Variants in SAMD5 observed in about 807,000 individuals in gnomAD.
SAMD5 encodes the protein sterile alpha motif domain-containing protein 5.
A neutral mutation model predicts 11.3 loss-of-function variants in SAMD5; 13 were observed. The ratio of observed to expected loss-of-function variants is 1.15; its 90% CI spans 0.75 to 1.83. SAMD5 has a LOEUF of 1.83. Among genes scored for constraint, SAMD5 ranks in the 40% most tolerant of loss-of-function variants. SAMD5 has a pLI of 0.00. For synonymous variants in SAMD5, 129 were observed against 111.3 expected, an observed-to-expected ratio of 1.16 and a Z score of -1.00; for missense variants, 255 against 239.1, an observed-to-expected ratio of 1.07 and a Z score of -0.44.
the SAMD5 span, among the ~76,000 whole-genome samples, chr6:147,925,612 A>G: frequency 6.6e-6 from 1 of 151,584 alleles, no homozygotes; most frequent in Non-Finnish European, 1.5e-5. Flanking sequence ...GGGACAGTCA[A>G]TGTTTGAAAG....
the SAMD5 span, among the ~76,000 whole-genome samples, chr6:147,785,062 C>G: frequency 6.6e-6 from 1 of 152,098 alleles, no homozygotes; most frequent in African/African-American, 2.4e-5. Flanking sequence ...CTTGCTGTAT[C>G]CATATGCTCT....
At chr6:147,936,168 C>G in the SAMD5 span, among the ~76,000 whole-genome samples, 1 of 152,040 alleles carries the variant, frequency 6.6e-6, no homozygotes, top group Non-Finnish European at 1.5e-5. Context: ...TTTCAAAGGC[C>G]CTTAGGATGT....
chr6:147,533,462 CAAAAAAAAAAA>C (rs57455955), intron 1 of SAMD5, among the ~76,000 whole-genome samples: 2 of 89,508 alleles, frequency 2.2e-5, no homozygotes, highest in South Asian at 3.6e-4. Context: ...AATTCCATCT[CAAAAAAAAAAA>C]AAAAAAAGAA....
chr6:147,679,640 A>G (rs1176105916), intron 1 of SAMD5, among the ~76,000 whole-genome samples: 1 of 152,030 alleles, frequency 6.6e-6, no homozygotes, highest in Admixed American at 6.6e-5. Context: ...TTCTACGAGC[A>G]GAGTTTTTAA....
intron 1 of SAMD5, among the ~76,000 whole-genome samples, chr6:147,524,370 G>A (rs569492394): frequency 2.0e-4 from 31 of 151,786 alleles, no homozygotes; most frequent in Middle Eastern, 6.9e-3. Flanking sequence ...CAGTGGTTTG[G>A]GGGGAAAGGG....
chr6:147,822,642 A>G, the SAMD5 span, among the ~76,000 whole-genome samples: 1 of 152,122 alleles, frequency 6.6e-6, no homozygotes, highest in East Asian at 1.9e-4. Context: ...TGGTTATAAG[A>G]AGTCATTTGG....
At chr6:147,845,076 G>T in the SAMD5 span, among the ~76,000 whole-genome samples, 5 of 152,028 alleles carry the variant, frequency 3.3e-5, no homozygotes, top group African/African-American at 9.7e-5. Flanking sequence ...TTGTATACAC[G>T]TATCAAGACA....
the SAMD5 span, among the ~76,000 whole-genome samples, chr6:147,832,963 T>A: frequency 2.0e-5 from 3 of 152,244 alleles, 1 homozygote; most frequent in African/African-American, 7.2e-5. Context: ...GAATTTCCTT[T>A]ATGAAAATAA....
At chr6:147,733,204 A>G (rs532388201) in intron 1 of SAMD5, among the ~76,000 whole-genome samples, 75 of 152,362 alleles carry the variant, frequency 4.9e-4, no homozygotes, top group African/African-American at 1.8e-3. Context: ...AGGTCATAAC[A>G]AAAGCATTAA....
intron 1 of SAMD5, among the ~76,000 whole-genome samples, chr6:147,728,061 A>G (rs1394375434): frequency 6.6e-6 from 1 of 152,220 alleles, no homozygotes; most frequent in Non-Finnish European, 1.5e-5. Context: ...AAATTTTAGT[A>G]TCACTGTTTT....
the SAMD5 span, among the ~76,000 whole-genome samples, chr6:147,886,388 A>G: frequency 2.6e-5 from 4 of 152,154 alleles, no homozygotes; most frequent in Non-Finnish European, 4.4e-5. Context: ...AAATGAAACC[A>G]AAGTTTTTGA....
chr6:147,629,951 T>TC (rs985350852), intron 1 of SAMD5, among the ~76,000 whole-genome samples: 7 of 113,048 alleles, frequency 6.2e-5, no homozygotes, highest in Non-Finnish European at 1.0e-4. Flanking sequence ...TTCTTTTCTT[T>TC]TTTTTTTTTT....
At chr6:147,890,505 C>T in the SAMD5 span, among the ~76,000 whole-genome samples, 1 of 151,880 alleles carries the variant, frequency 6.6e-6, no homozygotes, top group African/African-American at 2.4e-5. Context: ...ACTACAGGCA[C>T]ACACCACCAC....
At chr6:147,813,800 T>C in the SAMD5 span, among the ~76,000 whole-genome samples, 1 of 152,364 alleles carries the variant, frequency 6.6e-6, no homozygotes, top group South Asian at 2.1e-4. Flanking sequence ...CTCTTTGGAC[T>C]GAGTACCTGT....
intron 1 of SAMD5, among the ~76,000 whole-genome samples, chr6:147,702,449 T>C (rs747343343): frequency 4.7e-4 from 72 of 152,178 alleles, no homozygotes; most frequent in Admixed American, 4.6e-3. Context: ...AGGGGTGACA[T>C]ATGTTTGAAC....
At chr6:147,683,317 G>C (rs570392758) in intron 1 of SAMD5, among the ~76,000 whole-genome samples, 1 of 152,290 alleles carries the variant, frequency 6.6e-6, no homozygotes, top group South Asian at 2.1e-4. Flanking sequence ...TATTTCCTAA[G>C]AGTGATTTTT....
rs763982544 is a variant in SAMD5 at position 147,508,902 on chromosome 6, C to G, written c.-27C>G. 1.3e-6 allele frequency: 2 copies of G among 1,583,934 alleles called. No homozygotes were observed. The highest frequency in any genetic ancestry group is 1.4e-5 in the African/African-American group (1 of 72,796). On this transcript the variant is annotated 5_prime_UTR_variant, in exon 1 of 2. Transcript: ENST00000367474. ...GTGCCATTTGGGCGCTGGGAAGGTG[C>G]TCGGCGGCGGGGTTCCCGGTCCCAC... is the stretch of plus-strand genomic sequence containing the variant.
chr6:147,736,876 C>G (rs1791811022), intron 1 of SAMD5, among the ~76,000 whole-genome samples: 2 of 151,918 alleles, frequency 1.3e-5, no homozygotes, highest in African/African-American at 4.8e-5. Context: ...TTTAATATTG[C>G]TAACAGATAA....
chr6:147,714,095 C>A (rs3915072), intron 1 of SAMD5, among the ~76,000 whole-genome samples: 3 of 151,940 alleles, frequency 2.0e-5, no homozygotes, highest in African/African-American at 7.3e-5. Flanking sequence ...TGGGCACCTT[C>A]GCCCACTGAG....
Sources: allele counts gnomAD v4.1 joint callset (sites outside exome capture counted in the v4.1 genomes callset), GRCh38; gene constraint gnomAD v4.1.1; transcripts MANE v1.5; gene names NCBI Gene and HGNC (gene_info 2026-07-23, HGNC 2026-07-21).